IMPG2: variants seen among roughly 807,000 people sequenced by gnomAD.
IMPG2 encodes IPM 200.
Under a neutral mutation model 129.2 loss-of-function variants are expected in IMPG2, and 91 were observed. That is an observed-to-expected ratio of 0.70 (90% confidence interval 0.59 to 0.84). The LOEUF (loss-of-function observed/expected upper bound fraction) is 0.84, where lower values mean the gene tolerates loss of function less well. Among genes scored for constraint, IMPG2 ranks in the 40% least tolerant of loss-of-function variants. The pLI is 0.00. For missense variants in IMPG2, 1,430 were observed against 1,461.7 expected (o/e 0.98, Z 0.35); for synonymous variants, 510 against 517.7 (o/e 0.99, Z 0.20).
chr3:101,244,801 T>C lies in IMPG2; in HGVS notation c.1544-14A>G. On this transcript the variant is annotated splice_polypyrimidine_tract_variant and intron_variant, in intron 12 of 18. Coordinates refer to ENST00000193391, the MANE Select transcript of IMPG2 (RefSeq NM_016247.4). ...CATTGGCTAATCCTAAAAATAAAGT[T>C]TTCCATTAATTAATCTACAGAGTTG... The C allele has an allele frequency of 1.9e-6, 3 of 1,608,650 alleles. No individual in the cohort carries two copies. The highest frequency in any genetic ancestry group is 2.6e-6 in the Non-Finnish European group (3 of 1,175,774).
chr3:101,279,983 T>C (rs1322959350), intron 4 of IMPG2, among the ~76,000 whole-genome samples: 1 of 152,216 alleles, frequency 6.6e-6, no homozygotes, highest in Non-Finnish European at 1.5e-5. Flanking sequence ...TCCTTTAAAA[T>C]GTCACTCACC....
At chr3:101,256,382 A>G (rs1706610636) in intron 10 of IMPG2, among the ~76,000 whole-genome samples, 1 of 151,950 alleles carries the variant, frequency 6.6e-6, no homozygotes, top group Non-Finnish European at 1.5e-5. Context: ...ACATACACAT[A>G]TAACTGCCTG....
At chr3:101,245,057 C>T (rs911734897) in intron 12 of IMPG2, among the ~76,000 whole-genome samples, 4 of 151,132 alleles carry the variant, frequency 2.6e-5, no homozygotes, top group Non-Finnish European at 5.9e-5. Flanking sequence ...TTTTTAATTC[C>T]ACGAAAATAA....
At chr3:101,314,055 T>C (rs936292189) in intron 2 of IMPG2, among the ~76,000 whole-genome samples, 2 of 152,142 alleles carry the variant, frequency 1.3e-5, no homozygotes, top group Non-Finnish European at 2.9e-5. Context: ...ACACTAAACA[T>C]TGGTTATATG....
At chr3:101,314,796 C>A (rs139103836) in intron 2 of IMPG2, among the ~76,000 whole-genome samples, 1 of 152,076 alleles carries the variant, frequency 6.6e-6, no homozygotes, top group African/African-American at 2.4e-5. Context: ...TGAAGATGAC[C>A]TAAATAAATG....
intron 3 of IMPG2, among the ~76,000 whole-genome samples, chr3:101,292,633 AAAAATAAGACAACAATGAATTTGGC>A: frequency 6.6e-6 from 1 of 152,190 alleles, no homozygotes; most frequent in African/African-American, 2.4e-5. Flanking sequence ...GCAATTTCAT[AAAAATAAGACAACAATGAATTTGGC>A]CCCATCAATT....
chr3:101,258,880 G>A (rs1706640874), intron 9 of IMPG2, among the ~76,000 whole-genome samples: 1 of 152,146 alleles, frequency 6.6e-6, no homozygotes, highest in Non-Finnish European at 1.5e-5. Flanking sequence ...TGTAAGTGCT[G>A]ATAATGTGAT....
chr3:101,244,843 G>A lies in IMPG2; in HGVS notation c.1544-56C>T. On this transcript the variant is annotated intron_variant, in intron 12 of 18. Coordinates refer to ENST00000193391, the MANE Select transcript of IMPG2 (RefSeq NM_016247.4). Reference sequence around the variant, plus strand: ...ACAGAGTTGCCAAAATGTATTCCTAGTTCTCCTAATAAAACTAGTTGCCTG... The same window carrying A: ...ACAGAGTTGCCAAAATGTATTCCTAATTCTCCTAATAAAACTAGTTGCCTG... 3 of 1,467,210 alleles carry A rather than the reference G, an allele frequency of 2.0e-6. No individual in the cohort carries two copies. The South Asian group carries it at 3.5e-5, about 17-fold the overall frequency. The allele number at this position is 1,467,210 out of a possible 1,614,324, so 90.9% of individuals were successfully genotyped here.
intron 2 of IMPG2, among the ~76,000 whole-genome samples, chr3:101,316,214 A>G (rs62282889): frequency 0.13 from 19,426 of 152,018 alleles, 1,295 homozygotes; most frequent in Middle Eastern, 0.17. Flanking sequence ...GCAAACTAAG[A>G]TCAAAAACTA....
intron 4 of IMPG2, among the ~76,000 whole-genome samples, chr3:101,278,666 C>T (rs1706862743): frequency 6.6e-6 from 1 of 151,176 alleles, no homozygotes; most frequent in Non-Finnish European, 1.5e-5. Context: ...TTTCTAAATG[C>T]CCAGGCTTTG....
chr3:101,246,361 T>C (rs1331631311), intron 11 of IMPG2, among the ~76,000 whole-genome samples: 1 of 152,110 alleles, frequency 6.6e-6, no homozygotes, highest in African/African-American at 2.4e-5. Context: ...TTAAAAGCCC[T>C]CAAACAAAGT....
At chr3:101,285,990 A>C (rs1706942194) in intron 4 of IMPG2, among the ~76,000 whole-genome samples, 1 of 152,128 alleles carries the variant, frequency 6.6e-6, no homozygotes, top group Non-Finnish European at 1.5e-5. Flanking sequence ...TGAATGATGT[A>C]AAATATCCTA....
chr3:101,242,599 T>A (rs1706421070), intron 14 of IMPG2, 89 bp downstream of exon 14: 4 of 970,504 alleles, frequency 4.1e-6, no homozygotes, highest in Admixed American at 3.4e-5. Flanking sequence ...CTGCAAGTAT[T>A]GGATTCACCT....
chr3:101,268,565 T>A (rs1281485574), intron 8 of IMPG2, among the ~76,000 whole-genome samples: 1 of 152,184 alleles, frequency 6.6e-6, no homozygotes, highest in African/African-American at 2.4e-5. Flanking sequence ...AATATGAGCA[T>A]AGTAACTATC....
intron 16 of IMPG2, 92 bp downstream of exon 16, chr3:101,230,865 G>A: frequency 8.8e-7 from 1 of 1,132,858 alleles, no homozygotes; most frequent in South Asian, 1.3e-5. Context: ...CACCCAGCCA[G>A]CTCCTTGTCC....
At chr3:101,273,384 G>A (rs1015416969) in intron 7 of IMPG2, among the ~76,000 whole-genome samples, 197 bp downstream of exon 7, 2 of 152,168 alleles carry the variant, frequency 1.3e-5, no homozygotes, top group African/African-American at 4.8e-5. Flanking sequence ...CAGATGGCAA[G>A]ATTTTTCTTT....
intron 3 of IMPG2, among the ~76,000 whole-genome samples, chr3:101,299,115 T>C (rs913135524): frequency 6.6e-6 from 1 of 152,210 alleles, no homozygotes; most frequent in Non-Finnish European, 1.5e-5. Flanking sequence ...TCTTTTTTTC[T>C]AATCTTGCCT....
intron 6 of IMPG2, among the ~76,000 whole-genome samples, chr3:101,274,362 A>G (rs993659869): frequency 1.3e-5 from 2 of 152,304 alleles, no homozygotes; most frequent in East Asian, 3.9e-4. Context: ...CATTTGAATT[A>G]CAATGTTCTA....
At chr3:101,282,413 T>A (rs1706902126) in intron 4 of IMPG2, among the ~76,000 whole-genome samples, 1 of 152,128 alleles carries the variant, frequency 6.6e-6, no homozygotes, top group Admixed American at 6.5e-5. Context: ...GAATACAAAT[T>A]TTTAAATTTT....
Sources: gnomAD v4.1 joint callset for allele counts (sites outside exome capture counted in the v4.1 genomes callset) on GRCh38, gnomAD v4.1.1 for gene constraint, MANE v1.5 for transcripts, NCBI Gene and HGNC (gene_info 2026-07-23, HGNC 2026-07-21) for gene names.